KDM2B: variants seen among roughly 807,000 people sequenced by gnomAD.
KDM2B encodes lysine demethylase 2B.
A neutral mutation model predicts 150.0 loss-of-function variants in KDM2B; 26 were observed. The observed-to-expected ratio is 0.17, with a 90% CI of 0.13 to 0.24. The LOEUF (loss-of-function observed/expected upper bound fraction) is 0.24. KDM2B is among the 10% of genes least tolerant of loss of function. The probability of loss-of-function intolerance (pLI) is 1.00; values close to 1 mark genes in which losing one functional copy is unlikely to be tolerated. For synonymous variants in KDM2B, 734 were observed against 729.5 expected, an observed-to-expected ratio of 1.01 and a Z score of -0.10; for missense variants, 1,265 against 1,816.9, an observed-to-expected ratio of 0.70 and a Z score of 5.52.
chr12:121,478,954 C>T (rs1287012229), intron 12 of KDM2B, among the ~76,000 whole-genome samples: 1 of 149,950 alleles, frequency 6.7e-6, no homozygotes, highest in African/African-American at 2.5e-5. Flanking sequence ...CTGGGCTCAA[C>T]TGATCTTCCC....
At chr12:121,517,522 G>A (rs574347622) in intron 9 of KDM2B, among the ~76,000 whole-genome samples, 2 of 151,064 alleles carry the variant, frequency 1.3e-5, no homozygotes, top group Admixed American at 6.6e-5. Flanking sequence ...AGGCTGGAGT[G>A]CAGTGGCTCA....
intron 22 of KDM2B, chr12:121,433,122 T>G (rs782788704): frequency 3.3e-5 from 15 of 456,410 alleles, no homozygotes. Context: ...CTTTGGAGGC[T>G]CATTCATGCC....
At chr12:121,523,549 G>A (rs533392033) in intron 8 of KDM2B, among the ~76,000 whole-genome samples, 37 of 152,262 alleles carry the variant, frequency 2.4e-4, no homozygotes, top group East Asian at 7.7e-4. Flanking sequence ...AATGAAACAC[G>A]CCAGCCCTGA....
intron 8 of KDM2B, among the ~76,000 whole-genome samples, chr12:121,527,924 T>G (rs1195901170): frequency 6.6e-6 from 1 of 152,214 alleles, no homozygotes; most frequent in African/African-American, 2.4e-5. Context: ...ATAGGCCAGG[T>G]TGAGTTGGAG....
Position 121,473,733 on chromosome 12 carries a change from A to AAAAG in KDM2B, c.1735-20390_1735-20389insCTTT, listed in dbSNP as rs781796348. ...AAACTCCCAACTCAAAAAAAAAAAAAAGAGAGAGAGAGAGAGTAAAGAGGC... is the reference window on the plus strand; with the variant it reads ...AAACTCCCAACTCAAAAAAAAAAAAAAAAGAGAGAGAGAGAGAGAGTAAAGAGGC... On this transcript the variant is annotated intron_variant, in intron 12 of 22. Transcript: ENST00000377071. Among the ~76,000 whole-genome samples, 333 of 149,992 alleles carry AAAAG rather than the reference A, an allele frequency of 2.2e-3. 2 individuals are homozygous for AAAAG. Among genetic ancestry groups the AAAAG allele is most frequent in the African/African-American group, 7.0e-3 (284 of 40,546 alleles).
Position 121,442,803 on chromosome 12 carries a change from C to G in KDM2B, c.2638G>C (p.Ala880Pro), listed in dbSNP as rs1555288905. The change falls in exon 19 of 23, where the codon GCG (alanine) becomes CCG (proline). Residue 880 changes from alanine to proline, a missense_variant. Physicochemically the swap from Ala to Pro is conservative, Grantham distance 27 (BLOSUM62 -1). Around this residue, in one of 11 missense-constraint regions of KDM2B, gnomAD observed 418 missense variants for 402.4 expected, o/e 1.04. Transcript: ENST00000377071. This position sits in a 1 kb window ranked among gnomAD's most constrained non-coding sequence, Gnocchi z 7.7. ...CGCCGGAGGGGCTTGTTGGCCAGCG[C>G]CATGCGGTCCTCGGCGTTCTTCCAG... is the stretch of plus-strand genomic sequence containing the variant. The part of the protein sequence containing the change: ...RSWKNAEDRM[A>P]LANKPLRRFK... The G allele has an allele frequency of 6.5e-7, 1 of 1,531,740 alleles. No individual in the cohort carries two copies. The highest frequency in any genetic ancestry group is 8.7e-7 in the Non-Finnish European group (1 of 1,145,764). 94.9% of individuals were successfully genotyped at this position (1,531,740 alleles called of 1,614,324 possible).
At chr12:121,511,482 C>T (rs1885588666) in intron 10 of KDM2B, among the ~76,000 whole-genome samples, 1 of 152,020 alleles carries the variant, frequency 6.6e-6, no homozygotes, top group Non-Finnish European at 1.5e-5. Context: ...GACGAGGTGT[C>T]ACCATGTTGG....
chr12:121,411,277 T>A, the KDM2B span, among the ~76,000 whole-genome samples: 1 of 151,958 alleles, frequency 6.6e-6, no homozygotes, highest in Non-Finnish European at 1.5e-5. Context: ...GTGTTTTTCT[T>A]CATTTTCTTT....
chr12:121,535,824 G>A (rs1888044070), intron 6 of KDM2B, among the ~76,000 whole-genome samples: 1 of 152,132 alleles, frequency 6.6e-6, no homozygotes, highest in African/African-American at 2.4e-5. Context: ...TAGGAGTGGG[G>A]CAGAGCTGAA....
chr12:121,550,536 A>G (rs1555311640), intron 4 of KDM2B, among the ~76,000 whole-genome samples: 3 of 152,084 alleles, frequency 2.0e-5, no homozygotes, highest in Non-Finnish European at 4.4e-5. Context: ...TGTTGCCCAG[A>G]CTGAGATCAT....
chr12:121,491,067 T>G (rs1046776495), intron 12 of KDM2B, among the ~76,000 whole-genome samples: 1 of 152,126 alleles, frequency 6.6e-6, no homozygotes, highest in African/African-American at 2.4e-5. Flanking sequence ...TACTTCTTCC[T>G]TTCCTGTTAA....
chr12:121,470,797 G>C lies in KDM2B; in HGVS notation c.1735-17453C>G, dbSNP rs139583001. Among the ~76,000 whole-genome samples, 870 of 152,326 alleles carry C rather than the reference G, an allele frequency of 5.7e-3. 6 individuals are homozygous for C. Among genetic ancestry groups the C allele is most frequent in the African/African-American group, 0.02 (843 of 41,570 alleles). ...GAAAATTAAGTGTCCCTTACTACAT[G>C]CTATTAATTCTGTATTCTCAGTTCA... On this transcript the variant is annotated intron_variant, in intron 12 of 22. Transcript: ENST00000377071.
At chr12:121,516,601 A>G in intron 9 of KDM2B, 3 of 1,197,770 alleles carry the variant, frequency 2.5e-6, no homozygotes, top group East Asian at 5.3e-5. Flanking sequence ...AACCAACGTC[A>G]GTCCAAAACA....
the KDM2B span, among the ~76,000 whole-genome samples, chr12:121,416,956 C>T: frequency 1.3e-5 from 2 of 152,294 alleles, no homozygotes; most frequent in African/African-American, 4.8e-5. Flanking sequence ...CGAGCAGAAA[C>T]GACCACATCT....
intron 4 of KDM2B, among the ~76,000 whole-genome samples, chr12:121,568,832 TAC>T (rs1215686652): frequency 1.4e-5 from 2 of 142,716 alleles, no homozygotes; most frequent in African/African-American, 5.2e-5. Context: ...TTTTTAAGGG[TAC>T]AGTGTTACAG....
At chr12:121,432,579 C>G (rs1873240661) in intron 22 of KDM2B, among the ~76,000 whole-genome samples, 1 of 152,188 alleles carries the variant, frequency 6.6e-6, no homozygotes, top group African/African-American at 2.4e-5. Context: ...CACTTGTCAT[C>G]TTAAAGGTGT....
chr12:121,578,765 G>C, intron 2 of KDM2B, 37 bp downstream of exon 2: 2 of 1,348,078 alleles, frequency 1.5e-6, no homozygotes, highest in Non-Finnish European at 1.9e-6. Flanking sequence ...CGCTCGGCCC[G>C]CAGCGCAGAG....
At position 121,503,258 on chromosome 12, in the gene KDM2B, G is replaced by A. The variant is rs140991003; in HGVS notation, c.1647+6309C>T. Among the ~76,000 whole-genome samples, 492 of 150,968 alleles carry A rather than the reference G, an allele frequency of 3.3e-3. 6 individuals carry two copies. Among genetic ancestry groups the A allele is most frequent in the African/African-American group, 0.011 (471 of 41,270 alleles). On this transcript the variant is annotated intron_variant, in intron 11 of 22. Coordinates refer to ENST00000377071, the MANE Select transcript of KDM2B (RefSeq NM_032590.5). ...CTCCCAAAGTGCTAGGATTACAGGCGTGAGTCACTGCGCCCGGGCTGTGGT... is the reference window on the plus strand; with the variant it reads ...CTCCCAAAGTGCTAGGATTACAGGCATGAGTCACTGCGCCCGGGCTGTGGT...
intron 6 of KDM2B, chr12:121,535,936 G>T: frequency 2.2e-6 from 1 of 460,688 alleles, no homozygotes; most frequent in Non-Finnish European, 2.9e-6. Flanking sequence ...AGCCCCAGGT[G>T]GCACGGATGG....
Sources: gnomAD v4.1 joint callset for allele counts (sites outside exome capture counted in the v4.1 genomes callset) on GRCh38, gnomAD v4.1.1 for gene constraint, gnomAD v4.1.1 regional missense constraint, Gnocchi (gnomAD v3.1) non-coding constraint, MANE v1.5 for transcripts, NCBI Gene and HGNC (gene_info 2026-07-23, HGNC 2026-07-21) for gene names.